ABHD17C: variants seen among roughly 807,000 people sequenced by gnomAD.
ABHD17C encodes the protein abhydrolase domain containing 17C, depalmitoylase.
In ABHD17C, 11 loss-of-function variants were observed where a neutral mutation model predicts 27.9. That is an observed-to-expected ratio of 0.39 (90% CI 0.25 to 0.65). The LOEUF (loss-of-function observed/expected upper bound fraction) is 0.65, where lower values mean the gene tolerates loss of function less well. ABHD17C is among the 30% of genes least tolerant of loss of function. ABHD17C has a pLI of 0.45. For synonymous variants in ABHD17C, 233 were observed against 209.1 expected (o/e 1.11, Z -0.98); for missense variants, 280 against 470.2 (o/e 0.60, Z 3.74).
At chr15:80,705,368 G>GTGTGTGTGTGTGTGT (rs1555421876) in intron 1 of ABHD17C, among the ~76,000 whole-genome samples, 7 of 4,334 alleles carry the variant, frequency 1.6e-3, no homozygotes, top group South Asian at 0.015. Context: ...TGTGTGTGTG[G>GTGTGTGTGTGTGTGT]TTAGGAGCAT....
At chr15:80,710,997 T>G (rs767602936) in intron 1 of ABHD17C, among the ~76,000 whole-genome samples, 2 of 151,946 alleles carry the variant, frequency 1.3e-5, no homozygotes, top group Admixed American at 6.6e-5. Context: ...AGATGTAGAG[T>G]AAGCAATAGA....
chr15:80,702,370 C>T (rs1894585069), intron 1 of ABHD17C, among the ~76,000 whole-genome samples: 1 of 152,074 alleles, frequency 6.6e-6, no homozygotes, highest in African/African-American at 2.4e-5. Context: ...TGGCTCATGC[C>T]TGTAGTCTCT....
intron 1 of ABHD17C, among the ~76,000 whole-genome samples, chr15:80,737,219 C>T (rs1013586022): frequency 1.3e-5 from 2 of 152,152 alleles, no homozygotes; most frequent in Non-Finnish European, 2.9e-5. Context: ...TGGCTTCCCC[C>T]GGTAAAAATT....
At chr15:80,753,493 G>A (rs1354948899) in intron 2 of ABHD17C, among the ~76,000 whole-genome samples, 1 of 152,162 alleles carries the variant, frequency 6.6e-6, no homozygotes, top group African/African-American at 2.4e-5. Flanking sequence ...CAGGAAATGG[G>A]TCAGGAGTAT....
At chr15:80,748,284 G>C (rs1895317435) in intron 1 of ABHD17C, among the ~76,000 whole-genome samples, 1 of 152,210 alleles carries the variant, frequency 6.6e-6, no homozygotes, top group Non-Finnish European at 1.5e-5. Context: ...ATATTGTCCT[G>C]TAAGCTGCAA....
chr15:80,725,217 C>G (rs1894956569), intron 1 of ABHD17C, among the ~76,000 whole-genome samples: 1 of 152,186 alleles, frequency 6.6e-6, no homozygotes, highest in African/African-American at 2.4e-5. Context: ...AAATTTGCCC[C>G]AAACACTGAA....
At chr15:80,751,202 A>AG (rs374309036) in intron 2 of ABHD17C, among the ~76,000 whole-genome samples, 1 of 126,860 alleles carries the variant, frequency 7.9e-6, no homozygotes, top group Non-Finnish European at 1.9e-5. Flanking sequence ...ATACAAAAAA[A>AG]AAAAATAATT....
intron 1 of ABHD17C, among the ~76,000 whole-genome samples, chr15:80,748,564 T>C (rs952740312): frequency 1.3e-5 from 2 of 152,100 alleles, no homozygotes; most frequent in Admixed American, 6.6e-5. Flanking sequence ...TTCGTCTTCA[T>C]TTCTTTCGCC....
At chr15:80,701,839 A>G (rs987544542) in intron 1 of ABHD17C, among the ~76,000 whole-genome samples, 1 of 152,230 alleles carries the variant, frequency 6.6e-6, no homozygotes, top group Non-Finnish European at 1.5e-5. Context: ...AAATTGAAGT[A>G]GGCATAGTCC....
At position 80,695,672 on chromosome 15, in the gene ABHD17C, C is replaced by A; in HGVS notation, c.243C>A (p.Gly81=). The A allele has an allele frequency of 6.9e-7, 1 of 1,444,438 alleles. No individual in the cohort carries two copies. The highest frequency in any genetic ancestry group is 1.4e-5 in the South Asian group (1 of 72,040). 89.5% of individuals were successfully genotyped at this position (1,444,438 alleles called of 1,614,324 possible). A position where few individuals can be genotyped will look rare whatever the true frequency, so the allele number is the denominator to read the frequency against. Residue 81 remains glycine (G), a synonymous_variant, in exon 1 of 3, where the codon GGC becomes GGA. Coordinates refer to ENST00000258884, the MANE Select transcript of ABHD17C (RefSeq NM_021214.2). This position sits in a 1 kb window ranked among gnomAD's most constrained non-coding sequence, Gnocchi z 4.3. ...CGCAGCAGCCCGAGGAGGGCGCGGG[C>A]GCGGGGCCCGGTGCGTGCAGCCTGC... ...PAPQQPEEGA[G]AGPGACSLHL... is the part of the protein sequence containing the mutation.
intron 1 of ABHD17C, among the ~76,000 whole-genome samples, chr15:80,710,482 G>T (rs1306248445): frequency 1.3e-5 from 2 of 152,224 alleles, no homozygotes; most frequent in Non-Finnish European, 2.9e-5. Context: ...GAGCTGATAT[G>T]TCGAGGGAGG....
chr15:80,752,905 T>C lies in ABHD17C; in HGVS notation c.771-1246T>C, dbSNP rs185170977. Among the ~76,000 whole-genome samples the C allele has an allele frequency of 1.6e-3, 249 of 152,384 alleles. 3 individuals carry two copies. Among genetic ancestry groups the C allele is most frequent in the Admixed American group, 5.0e-3 (77 of 15,304 alleles). ...CTGAAGCATATTGTTTTAAAGATCC[T>C]CAAATATTCATCCTTTGAGAGTAGA... is the stretch of plus-strand genomic sequence containing the variant. On this transcript the variant is annotated intron_variant, in intron 2 of 2. Transcript: ENST00000258884.
chr15:80,752,560 T>C (rs1186046378), intron 2 of ABHD17C, among the ~76,000 whole-genome samples: 2 of 152,256 alleles, frequency 1.3e-5, no homozygotes, highest in African/African-American at 4.8e-5. Context: ...TCATTAAATA[T>C]TAAAAGAGAT....
At chr15:80,734,516 G>A (rs544391907) in intron 1 of ABHD17C, among the ~76,000 whole-genome samples, 4 of 152,124 alleles carry the variant, frequency 2.6e-5, no homozygotes, top group Non-Finnish European at 5.9e-5. Flanking sequence ...TATTTTACTT[G>A]TAGCAGATCC....
chr15:80,700,135 C>T (rs1894551107), intron 1 of ABHD17C, among the ~76,000 whole-genome samples: 1 of 152,170 alleles, frequency 6.6e-6, no homozygotes, highest in Admixed American at 6.5e-5. Flanking sequence ...CAGATTCAGC[C>T]TCCTCAACAC....
In ABHD17C at chr15:80,713,354, C is replaced by CTTTTTT. The variant is rs67320992; in HGVS notation, c.590+17358_590+17363dup. On this transcript the variant is annotated intron_variant, in intron 1 of 2. Transcript: ENST00000258884. ...GAAGGAAAGCCACTGAGGTCTTGTT[C>CTTTTTT]TTTTTTTTTTTTTTTTTTTTTTTTT... Among the ~76,000 whole-genome samples the CTTTTTT allele has an allele frequency of 6.5e-3, 284 of 43,838 alleles. 62 individuals are homozygous for CTTTTTT. The highest frequency in any genetic ancestry group is 0.023 in the African/African-American group (229 of 10,038). 28.8% of individuals were successfully genotyped at this position (43,838 alleles called of 152,430 possible).
chr15:80,731,466 A>G (rs1455357274), intron 1 of ABHD17C, among the ~76,000 whole-genome samples: 1 of 152,140 alleles, frequency 6.6e-6, no homozygotes, highest in African/African-American at 2.4e-5. Flanking sequence ...GTGACAGGGA[A>G]GTCATCATCA....
At chr15:80,744,534 A>G (rs1030468428) in intron 1 of ABHD17C, among the ~76,000 whole-genome samples, 6 of 152,228 alleles carry the variant, frequency 3.9e-5, no homozygotes, top group Non-Finnish European at 8.8e-5. Context: ...AGGAAAAAGC[A>G]ATGGCAAAGT....
At chr15:80,752,011 A>C (rs1895372129) in intron 2 of ABHD17C, among the ~76,000 whole-genome samples, 1 of 152,240 alleles carries the variant, frequency 6.6e-6, no homozygotes, top group Non-Finnish European at 1.5e-5. Context: ...AACAAAAGGA[A>C]AAGGAATCCA....
Sources: gnomAD v4.1 joint callset for allele counts (sites outside exome capture counted in the v4.1 genomes callset) on GRCh38, gnomAD v4.1.1 for gene constraint, Gnocchi (gnomAD v3.1) non-coding constraint, MANE v1.5 for transcripts, NCBI Gene and HGNC (gene_info 2026-07-23, HGNC 2026-07-21) for gene names.